Variants in FOXP1 observed in about 807,000 individuals in gnomAD.
FOXP1 encodes the protein forkhead box protein P1.
A neutral mutation model predicts 98.2 loss-of-function variants in FOXP1; 15 were observed. The ratio of observed to expected loss-of-function variants is 0.15; its 90% CI spans 0.10 to 0.24. The LOEUF is 0.24. Among genes scored for constraint, FOXP1 ranks in the 10% least tolerant of loss-of-function variants. The probability of loss-of-function intolerance (pLI) is 1.00; values close to 1 mark genes in which losing one functional copy is unlikely to be tolerated. For missense variants in FOXP1, 633 were observed against 848.5 expected (o/e 0.75, Z 3.15); for synonymous variants, 371 against 314.5 (o/e 1.18, Z -1.90).
intron 3 of FOXP1, among the ~76,000 whole-genome samples, chr3:71,443,852 G>A (rs2086169308): frequency 6.6e-6 from 1 of 152,110 alleles, no homozygotes; most frequent in Non-Finnish European, 1.5e-5. Flanking sequence ...GATGATCCAA[G>A]AATATACCAA....
intron 7 of FOXP1, among the ~76,000 whole-genome samples, chr3:71,077,000 T>TA (rs537033123): frequency 9.7e-4 from 148 of 152,316 alleles, no homozygotes; most frequent in Non-Finnish European, 2.9e-4. Context: ...TGGAAACACA[T>TA]AAAGTTATGG....
chr3:71,185,706 C>T (rs2062605700), intron 6 of FOXP1, among the ~76,000 whole-genome samples: 1 of 152,180 alleles, frequency 6.6e-6, no homozygotes, highest in Admixed American at 6.5e-5. Flanking sequence ...TCCAAACTTA[C>T]TTGTCTCAAA....
intron 5 of FOXP1, among the ~76,000 whole-genome samples, chr3:71,243,833 A>G (rs2067495319): frequency 6.6e-6 from 1 of 152,120 alleles, no homozygotes. Context: ...TTTCTATTGT[A>G]TTGCCACCCA....
At chr3:71,244,332 C>G (rs191410030) in intron 5 of FOXP1, among the ~76,000 whole-genome samples, 6 of 152,232 alleles carry the variant, frequency 3.9e-5, no homozygotes, top group East Asian at 1.9e-4. Flanking sequence ...TCTCTCCCCC[C>G]TCTTTTAGGT....
At chr3:71,329,214 T>C (rs1213918656) in intron 4 of FOXP1, among the ~76,000 whole-genome samples, 1 of 151,410 alleles carries the variant, frequency 6.6e-6, no homozygotes, top group Admixed American at 6.6e-5. Context: ...AGTCTAGACC[T>C]CTTTTTTTTT....
At chr3:71,022,935 C>T (rs1186001438) in intron 11 of FOXP1, among the ~76,000 whole-genome samples, 2 of 152,134 alleles carry the variant, frequency 1.3e-5, no homozygotes, top group Admixed American at 1.3e-4. Flanking sequence ...GAAGGAGTAT[C>T]GGTGTCTTCA....
At chr3:71,352,707 G>C (rs2077879396) in intron 4 of FOXP1, among the ~76,000 whole-genome samples, 1 of 152,126 alleles carries the variant, frequency 6.6e-6, no homozygotes, top group Non-Finnish European at 1.5e-5. Flanking sequence ...AGTAAAGGTA[G>C]CTATTATAGG....
intron 5 of FOXP1, among the ~76,000 whole-genome samples, chr3:71,280,537 T>G (rs2071424109): frequency 6.6e-6 from 1 of 152,110 alleles, no homozygotes; most frequent in Admixed American, 6.6e-5. Flanking sequence ...TTGGACAGGC[T>G]CGTCTCAAAC....
chr3:71,023,958 G>A (rs147506959), intron 11 of FOXP1, among the ~76,000 whole-genome samples: 1 of 152,316 alleles, frequency 6.6e-6, no homozygotes, highest in African/African-American at 2.4e-5. Context: ...ATCTCAAAGA[G>A]ATGATTCCTT....
intron 6 of FOXP1, among the ~76,000 whole-genome samples, chr3:71,117,112 A>G (rs1194130319): frequency 2.0e-5 from 3 of 151,964 alleles, no homozygotes; most frequent in Non-Finnish European, 4.4e-5. Flanking sequence ...CTTTGAGACA[A>G]GGTCTCACTA....
At chr3:71,385,031 C>A (rs997434814) in intron 3 of FOXP1, among the ~76,000 whole-genome samples, 2 of 151,778 alleles carry the variant, frequency 1.3e-5, no homozygotes, top group African/African-American at 4.8e-5. Context: ...AAACAGAACA[C>A]AACACAACAT....
chr3:71,375,205 A>C (rs1282961861), intron 3 of FOXP1, among the ~76,000 whole-genome samples: 1 of 152,242 alleles, frequency 6.6e-6, no homozygotes, highest in African/African-American at 2.4e-5. Context: ...GAAAAAACAG[A>C]AAAGAGCTTC....
intron 3 of FOXP1, among the ~76,000 whole-genome samples, chr3:71,368,542 G>A (rs2079075096): frequency 6.6e-6 from 1 of 152,166 alleles, no homozygotes; most frequent in Non-Finnish European, 1.5e-5. Flanking sequence ...ATATGCACAG[G>A]CTACAAAAAT....
intron 7 of FOXP1, among the ~76,000 whole-genome samples, chr3:71,074,482 C>T (rs2053597739): frequency 6.6e-6 from 1 of 152,178 alleles, no homozygotes; most frequent in African/African-American, 2.4e-5. Flanking sequence ...CCACATAGGC[C>T]TTCCAAAGTA....
At chr3:71,374,589 T>A (rs2079576277) in intron 3 of FOXP1, among the ~76,000 whole-genome samples, 1 of 121,554 alleles carries the variant, frequency 8.2e-6, no homozygotes, top group African/African-American at 2.6e-5. Context: ...CAAGAGACTC[T>A]GTCTCAAAAA....
At chr3:71,255,628 TTTA>T (rs1457897306) in intron 5 of FOXP1, among the ~76,000 whole-genome samples, 1 of 152,192 alleles carries the variant, frequency 6.6e-6, no homozygotes, top group Non-Finnish European at 1.5e-5. Context: ...AGGTTCTCTG[TTTA>T]TTAGCAAAAG....
chr3:71,562,695 C>G (rs191683203), intron 2 of FOXP1, among the ~76,000 whole-genome samples: 4 of 152,278 alleles, frequency 2.6e-5, no homozygotes, highest in African/African-American at 9.6e-5. Context: ...CCCAAGGTCA[C>G]CCAAATACTA....
intron 4 of FOXP1, among the ~76,000 whole-genome samples, chr3:71,322,270 G>T (rs2075434582): frequency 6.6e-6 from 1 of 152,168 alleles, no homozygotes; most frequent in Non-Finnish European, 1.5e-5. Context: ...GCCACATGTG[G>T]CTTTTAAGTT....
chr3:71,035,438 C>G (rs1281836589), intron 11 of FOXP1, among the ~76,000 whole-genome samples: 1 of 152,192 alleles, frequency 6.6e-6, no homozygotes, highest in Non-Finnish European at 1.5e-5. Context: ...TCTGCTGCCA[C>G]TACTCAAGCT....
Sources: allele counts gnomAD v4.1 joint callset (sites outside exome capture counted in the v4.1 genomes callset), GRCh38; gene constraint gnomAD v4.1.1; transcripts MANE v1.5; gene names NCBI Gene and HGNC (gene_info 2026-07-23, HGNC 2026-07-21).